Variants in USP45 observed in about 807,000 individuals in gnomAD.
The protein encoded by USP45 is ubiquitin carboxyl-terminal hydrolase 45.
A neutral mutation model predicts 95.8 loss-of-function variants in USP45; 89 were observed. That is an observed-to-expected ratio of 0.93 (90% CI 0.78 to 1.11). The LOEUF is 1.11. Among genes scored for constraint, USP45 ranks in the 50% least tolerant of loss-of-function variants. USP45 has a pLI of 0.00. For missense variants in USP45, 898 were observed against 942.5 expected, an observed-to-expected ratio of 0.95 and a Z score of 0.62; for synonymous variants, 281 against 316.2, an observed-to-expected ratio of 0.89 and a Z score of 1.18.
At position 99,466,692 on chromosome 6, in the gene USP45, T is replaced by C. The variant is rs765670145; in HGVS notation, c.1087A>G (p.Met363Val). 3.7e-6 allele frequency: 6 copies of C among 1,613,432 alleles called. No individual in the cohort carries two copies. In the East Asian group the frequency reaches 1.3e-4, roughly 36 times the overall value. ...IFIGELTSTVMCEECANISTV... is the reference protein window; with the variant it reads ...IFIGELTSTVVCEECANISTV... ...CCTACATTTGCACATTCTTCACACA[T>C]GACCGTGCTAGTTAATTCACCAATA... The change falls in exon 11 of 18, where the codon ATG becomes GTG. Residue 363 changes from methionine (M) to valine (V), a missense_variant. Met to Val is a conservative substitution (Grantham distance 21). Coordinates refer to ENST00000500704, the MANE Select transcript of USP45 (RefSeq NM_001346022.3).
At chr6:99,479,320 C>T (rs2128693608) in intron 8 of USP45, among the ~76,000 whole-genome samples, 1 of 152,110 alleles carries the variant, frequency 6.6e-6, no homozygotes, top group South Asian at 2.1e-4. Flanking sequence ...AGTGATCCTC[C>T]TACCTCAGCC....
At chr6:99,445,275 G>A (rs1782285290) in intron 14 of USP45, among the ~76,000 whole-genome samples, 1 of 152,012 alleles carries the variant, frequency 6.6e-6, no homozygotes, top group Non-Finnish European at 1.5e-5. Context: ...ATGAGGTCAG[G>A]CATTCAAGAC....
rs144471581 is a variant in USP45, at chr6:99,508,503, G to A, written c.273+107C>T. 4.1e-4 allele frequency: 460 copies of A among 1,111,476 alleles called. 3 individuals carry two copies. In the African/African-American group the frequency reaches 6.7e-3, roughly 16 times the overall value. The allele number at this position is 1,111,476 out of a possible 1,614,324, so 68.9% of individuals were successfully genotyped here. On this transcript the variant is annotated intron_variant, in intron 3 of 17. Coordinates refer to ENST00000500704, the MANE Select transcript of USP45 (RefSeq NM_001346022.3). ...TTCCTGGAAAATTTCTATCTAAATT[G>A]GAATAAATTTATCTTAACTCCTATG...
intron 5 of USP45, chr6:99,501,939 T>A (rs1305245794): frequency 2.3e-6 from 3 of 1,300,728 alleles, no homozygotes; most frequent in Non-Finnish European, 2.0e-6. Context: ...ACAGTTTATA[T>A]CAACAAACTG....
chr6:99,457,810 G>A (rs1214651544), intron 13 of USP45, among the ~76,000 whole-genome samples: 1 of 152,128 alleles, frequency 6.6e-6, no homozygotes, highest in East Asian at 1.9e-4. Flanking sequence ...GTCTGAGGTT[G>A]GGTATGAGAA....
chr6:99,501,292 A>T (rs546491786), intron 5 of USP45, among the ~76,000 whole-genome samples: 58 of 151,324 alleles, frequency 3.8e-4, no homozygotes, highest in African/African-American at 9.0e-4. Flanking sequence ...TTATTTTTTT[A>T]AAAAAATATG....
At chr6:99,447,265 T>A (rs575861189) in intron 13 of USP45, among the ~76,000 whole-genome samples, 1 of 152,162 alleles carries the variant, frequency 6.6e-6, no homozygotes, top group Non-Finnish European at 1.5e-5. Flanking sequence ...AGCTGATGGC[T>A]TGAAGTACAT....
In USP45 at chr6:99,468,521, CAA is replaced by C. The variant is rs771548902; in HGVS notation, c.1015+14_1015+15del. ...ATTTTCTTAAAGAAAAAAGTTTTAA[CAA>C]AGAGTCAACATACCTTTGACTTTTT... is the stretch of plus-strand genomic sequence containing the variant. On this transcript the variant is annotated intron_variant, in intron 10 of 17. Coordinates refer to ENST00000500704, the MANE Select transcript of USP45 (RefSeq NM_001346022.3). 29 of 1,529,578 alleles carry C rather than the reference CAA, an allele frequency of 1.9e-5. No homozygotes were observed. The highest frequency in any genetic ancestry group is 7.5e-5 in the Admixed American group (4 of 52,986). 94.8% of individuals were successfully genotyped at this position (1,529,578 alleles called of 1,614,324 possible). A position where few individuals can be genotyped will look rare whatever the true frequency, so the allele number is the denominator to read the frequency against.
chr6:99,485,577 T>C (rs1562399010), intron 7 of USP45, among the ~76,000 whole-genome samples: 1 of 151,998 alleles, frequency 6.6e-6, no homozygotes, highest in African/African-American at 2.4e-5. Flanking sequence ...GTAGTGAATG[T>C]GGGGGGGAGT....
At chr6:99,482,043 T>C (rs995113642) in intron 8 of USP45, among the ~76,000 whole-genome samples, 19 of 152,288 alleles carry the variant, frequency 1.2e-4, no homozygotes, top group Admixed American at 4.6e-4. Context: ...TAAAATGAGA[T>C]TTTAAAGTCT....
chr6:99,450,412 G>A (rs1161561316), intron 13 of USP45, among the ~76,000 whole-genome samples: 5 of 152,200 alleles, frequency 3.3e-5, no homozygotes, highest in African/African-American at 4.8e-5. Context: ...ACACCTCTAC[G>A]CAAATAAACT....
intron 5 of USP45, among the ~76,000 whole-genome samples, chr6:99,496,198 C>T (rs1453539437): frequency 6.6e-6 from 1 of 152,040 alleles, no homozygotes; most frequent in Non-Finnish European, 1.5e-5. Flanking sequence ...TGTCTATGCT[C>T]GTCCTGAAGA....
At position 99,507,901 on chromosome 6, in the gene USP45, A is replaced by G. The variant is rs563094749; in HGVS notation, c.274-370T>C. Among the ~76,000 whole-genome samples the G allele has an allele frequency of 4.6e-5, 7 of 152,326 alleles. No individual in the cohort carries two copies. The South Asian group carries it at 1.2e-3, about 27-fold the overall frequency. ...CTGAGAACTACTGAGACACAGACCA[A>G]TCATAGCGATTTCCCTCACTAGGTA... On this transcript the variant is annotated intron_variant, in intron 3 of 17. Coordinates refer to ENST00000500704, the MANE Select transcript of USP45 (RefSeq NM_001346022.3).
intron 8 of USP45, among the ~76,000 whole-genome samples, chr6:99,476,734 C>T (rs1790971100): frequency 2.0e-5 from 3 of 152,168 alleles, no homozygotes; most frequent in South Asian, 2.1e-4. Flanking sequence ...ATACAGCTAG[C>T]AAATAAACCA....
intron 7 of USP45, among the ~76,000 whole-genome samples, chr6:99,487,633 CAAA>C (rs11335830): frequency 0.028 from 3,012 of 106,390 alleles, 105 homozygotes; most frequent in African/African-American, 0.099. Context: ...ACTAAAAATA[CAAA>C]AAAAAAAAAA....
chr6:99,467,476 G>A (rs1788266454), intron 10 of USP45, among the ~76,000 whole-genome samples: 1 of 151,844 alleles, frequency 6.6e-6, no homozygotes, highest in South Asian at 2.1e-4. Flanking sequence ...CTTCTTTTTT[G>A]AGCCTCTATC....
At chr6:99,472,044 C>T (rs191945310) in intron 9 of USP45, among the ~76,000 whole-genome samples, 1 of 152,172 alleles carries the variant, frequency 6.6e-6, no homozygotes, top group Non-Finnish European at 1.5e-5. Context: ...CTGTGCATCC[C>T]AATGCACCAT....
At chr6:99,499,215 A>G (rs898440555) in intron 5 of USP45, among the ~76,000 whole-genome samples, 2 of 152,246 alleles carry the variant, frequency 1.3e-5, no homozygotes, top group African/African-American at 4.8e-5. Context: ...CTTTCTTCTC[A>G]ATAACTATTT....
chr6:99,443,521 G>C (rs1255377157), intron 15 of USP45, 44 bp downstream of exon 15: 6 of 988,328 alleles, frequency 6.1e-6, no homozygotes, highest in Non-Finnish European at 9.1e-6. Flanking sequence ...TTAATGCTCT[G>C]TAAAACACAT....
Sources: gnomAD v4.1 joint callset for allele counts (sites outside exome capture counted in the v4.1 genomes callset) on GRCh38, gnomAD v4.1.1 for gene constraint, MANE v1.5 for transcripts, NCBI Gene and HGNC (gene_info 2026-07-23, HGNC 2026-07-21) for gene names.